AGBL4: variants seen among roughly 807,000 people sequenced by gnomAD.
AGBL4 encodes the protein AGBL carboxypeptidase 4, also known as cytosolic carboxypeptidase 6.
A neutral mutation model predicts 66.4 loss-of-function variants in AGBL4; 58 were observed. The observed-to-expected ratio is 0.87, with a 90% confidence interval of 0.71 to 1.09. AGBL4 has a LOEUF of 1.09. Among genes scored for constraint, AGBL4 ranks in the 50% least tolerant of loss-of-function variants. The probability of loss-of-function intolerance (pLI) is 0.00; values close to 1 mark genes in which losing one functional copy is unlikely to be tolerated. For synonymous variants in AGBL4, 234 were observed against 222.9 expected, an observed-to-expected ratio of 1.05 and a Z score of -0.44; for missense variants, 579 against 631.0, an observed-to-expected ratio of 0.92 and a Z score of 0.88.
intron 8 of AGBL4, among the ~76,000 whole-genome samples, chr1:48,647,338 A>G (rs1477356030): frequency 6.6e-6 from 1 of 152,210 alleles, no homozygotes; most frequent in Non-Finnish European, 1.5e-5. Flanking sequence ...GTAACTGCGT[A>G]TTTTATGATG....
intron 3 of AGBL4, among the ~76,000 whole-genome samples, chr1:49,675,409 G>A (rs966268742): frequency 4.0e-5 from 6 of 151,860 alleles, no homozygotes; most frequent in African/African-American, 1.5e-4. Flanking sequence ...TAGACACTGG[G>A]GACTCCAAAA....
chr1:49,236,099 G>A (rs1427764794), intron 4 of AGBL4, among the ~76,000 whole-genome samples: 3 of 151,830 alleles, frequency 2.0e-5, no homozygotes, highest in African/African-American at 7.3e-5. Context: ...GCACGATCTT[G>A]GCTTACTGCA....
intron 3 of AGBL4, among the ~76,000 whole-genome samples, chr1:49,599,237 CT>C (rs1454704327): frequency 6.6e-6 from 1 of 152,080 alleles, no homozygotes; most frequent in Non-Finnish European, 1.5e-5. Flanking sequence ...TGGTCCTGGA[CT>C]TTTTTTGGTT....
intron 5 of AGBL4, among the ~76,000 whole-genome samples, chr1:49,030,619 T>A (rs558067433): frequency 5.9e-5 from 9 of 151,984 alleles, no homozygotes; most frequent in Non-Finnish European, 1.0e-4. Flanking sequence ...GGGATCTAGG[T>A]TGTGTGCTCC....
chr1:49,212,403 C>T (rs1648743807), intron 4 of AGBL4, among the ~76,000 whole-genome samples: 2 of 152,092 alleles, frequency 1.3e-5, no homozygotes, highest in Non-Finnish European at 2.9e-5. Flanking sequence ...AGCTATTACA[C>T]CAGCTCAAAT....
chr1:48,570,111 T>G (rs2798098), intron 11 of AGBL4, among the ~76,000 whole-genome samples: 123,300 of 152,210 alleles, frequency 0.81, 50,609 homozygotes, highest in Non-Finnish European at 0.9. Flanking sequence ...AGATGAAAGT[T>G]CTTTGAATTA....
At chr1:49,744,505 C>T (rs1443124725) in intron 2 of AGBL4, among the ~76,000 whole-genome samples, 1 of 151,988 alleles carries the variant, frequency 6.6e-6, no homozygotes, top group African/African-American at 2.4e-5. Flanking sequence ...CAACAATAGA[C>T]CAATACACTA....
At chr1:49,372,845 A>C (rs1455020036) in intron 3 of AGBL4, among the ~76,000 whole-genome samples, 1 of 151,226 alleles carries the variant, frequency 6.6e-6, no homozygotes, top group Non-Finnish European at 1.5e-5. Flanking sequence ...TGAAGCCTCA[A>C]CCTCCTGGGC....
Position 49,129,452 on chromosome 1 carries a change from A to C in AGBL4, c.378-83652T>G, listed in dbSNP as rs1318117761. The stretch of plus-strand genomic sequence containing the variant: ...AGCATTAGGTATATCTCCTAATGCT[A>C]TCCCTCCCACCTCCCCCAACCCCAC... On this transcript the variant is annotated intron_variant, in intron 4 of 13. Coordinates refer to ENST00000371839, the MANE Select transcript of AGBL4 (RefSeq NM_032785.4). Among the ~76,000 whole-genome samples the C allele has an allele frequency of 2.6e-4, 39 of 151,580 alleles. 1 individual carries two copies. The highest frequency in any genetic ancestry group is 2.6e-3 in the Admixed American group (39 of 15,214).
intron 4 of AGBL4, among the ~76,000 whole-genome samples, chr1:49,144,738 C>T (rs1646184842): frequency 6.6e-6 from 1 of 152,036 alleles, no homozygotes; most frequent in African/African-American, 2.4e-5. Flanking sequence ...ACAGACTGAG[C>T]AGGGATTGAC....
At chr1:49,762,355 G>C (rs1005093457) in intron 2 of AGBL4, among the ~76,000 whole-genome samples, 5 of 151,350 alleles carry the variant, frequency 3.3e-5, no homozygotes, top group African/African-American at 1.2e-4. Flanking sequence ...TGTACCTGTT[G>C]GCCATTTGTA....
At chr1:49,668,965 T>C (rs1301100629) in intron 3 of AGBL4, among the ~76,000 whole-genome samples, 1 of 152,170 alleles carries the variant, frequency 6.6e-6, no homozygotes, top group African/African-American at 2.4e-5. Flanking sequence ...CCAGGCTGTT[T>C]CTTCATTTGT....
intron 3 of AGBL4, among the ~76,000 whole-genome samples, chr1:49,554,135 A>AACAC (rs755561385): frequency 1.3e-5 from 2 of 151,252 alleles, no homozygotes; most frequent in East Asian, 1.9e-4. Context: ...CCTGTCTAGA[A>AACAC]ACACACACAC....
At chr1:49,116,472 T>C (rs1297427302) in intron 4 of AGBL4, among the ~76,000 whole-genome samples, 1 of 152,330 alleles carries the variant, frequency 6.6e-6, no homozygotes, top group African/African-American at 2.4e-5. Context: ...CATGTGGTGT[T>C]TGATTTTTTG....
chr1:48,825,958 G>A (rs139420828), intron 6 of AGBL4, among the ~76,000 whole-genome samples: 4 of 152,254 alleles, frequency 2.6e-5, no homozygotes, highest in African/African-American at 4.8e-5. Flanking sequence ...TTCAGACTCC[G>A]TGGCTTTGCC....
intron 3 of AGBL4, among the ~76,000 whole-genome samples, chr1:49,258,624 C>A (rs1290623328): frequency 6.6e-6 from 1 of 152,062 alleles, no homozygotes; most frequent in Admixed American, 6.6e-5. Flanking sequence ...TAAAAAGAAA[C>A]AAACAAAGCC....
chr1:49,010,747 T>G (rs1662332388), intron 5 of AGBL4, among the ~76,000 whole-genome samples: 1 of 151,290 alleles, frequency 6.6e-6, no homozygotes, highest in South Asian at 2.1e-4. Flanking sequence ...CTATCTGATC[T>G]TTGACAAACC....
At chr1:49,246,320 A>T (rs1472384949) in intron 3 of AGBL4, among the ~76,000 whole-genome samples, 1 of 151,992 alleles carries the variant, frequency 6.6e-6, no homozygotes, top group Admixed American at 6.6e-5. Context: ...ACATAGAAGT[A>T]AATCATATTA....
chr1:49,525,709 T>A (rs1169637791), intron 3 of AGBL4, among the ~76,000 whole-genome samples: 1 of 151,938 alleles, frequency 6.6e-6, no homozygotes, highest in African/African-American at 2.4e-5. Flanking sequence ...GGGCACAGAC[T>A]TCACTAAGAA....
Sources: allele counts gnomAD v4.1 joint callset (sites outside exome capture counted in the v4.1 genomes callset), GRCh38; gene constraint gnomAD v4.1.1; transcripts MANE v1.5; gene names NCBI Gene and HGNC (gene_info 2026-07-23, HGNC 2026-07-21).